Variants in CCDC80 observed in about 807,000 individuals in gnomAD.
CCDC80 encodes the protein coiled-coil domain-containing protein 80.
In CCDC80, 49 loss-of-function variants were observed where a neutral mutation model predicts 78.7. The ratio of observed to expected loss-of-function variants is 0.62; its 90% CI spans 0.50 to 0.79. The LOEUF (loss-of-function observed/expected upper bound fraction) is 0.79, where lower values mean the gene tolerates loss of function less well. Ranked by LOEUF, CCDC80 falls within the 30% of genes least tolerant of loss-of-function variation. The pLI, the probability that CCDC80 is intolerant of heterozygous loss-of-function variation, is 0.00. For missense variants in CCDC80, 1,205 were observed against 1,198.6 expected, an observed-to-expected ratio of 1.01 and a Z score of -0.08; for synonymous variants, 488 against 447.0, an observed-to-expected ratio of 1.09 and a Z score of -1.16.
intron 3 of CCDC80, among the ~76,000 whole-genome samples, chr3:112,626,695 C>T (rs966020952): frequency 1.3e-5 from 2 of 152,034 alleles, no homozygotes; most frequent in Admixed American, 6.6e-5. Context: ...TTACAGGCAT[C>T]TGCCACCATG....
chr3:112,639,707 C>A lies in CCDC80; in HGVS notation c.199G>T (p.Glu67Ter). The A allele has an allele frequency of 6.2e-7, 1 of 1,614,172 alleles. No homozygotes were observed. Among genetic ancestry groups the A allele is most frequent in the South Asian group, 1.1e-5 (1 of 91,076 alleles). Residue 67 changes from glutamate to a stop codon, truncating the protein, a stop_gained, in exon 2 of 8, where the codon GAG (glutamate) becomes TAG (stop). Transcript: ENST00000206423. LOFTEE classifies it high-confidence loss of function. Reference sequence around the variant, plus strand: ...TGGAGAGGCTGAAGGTTTGGTTCCTCCAGAGTGGATCTCTCAATTCCGCGA... The same window carrying A: ...TGGAGAGGCTGAAGGTTTGGTTCCTACAGAGTGGATCTCTCAATTCCGCGA... ...RSRGIERSTL[E>*]EPNLQPLQRR...
In CCDC80 at chr3:112,639,057, G is replaced by A. The variant is rs771985608; in HGVS notation, c.849C>T (p.Ala283=). The A allele has an allele frequency of 6.2e-6, 10 of 1,612,434 alleles. No individual in the cohort carries two copies. In the South Asian group the frequency reaches 6.6e-5, roughly 11 times the overall value. ...CCACCACCTGGCCCTCTACACCAGA[G>A]GCCTTACATTTCTGGACAAAGCCCT... ...RQKGFVQKCK[A]SGVEGQVVAE... Residue 283 remains alanine (A), a synonymous_variant, in exon 2 of 8, where the codon GCC becomes GCT. Transcript: ENST00000206423.
chr3:112,617,221 G>A (rs758101184), intron 4 of CCDC80, among the ~76,000 whole-genome samples: 9 of 152,152 alleles, frequency 5.9e-5, no homozygotes, highest in Non-Finnish European at 1.0e-4. Context: ...ACCTAACACA[G>A]GAAACTAAAT....
At position 112,638,734 on chromosome 3, in the gene CCDC80, G is replaced by A. The variant is rs1408368011; in HGVS notation, c.1172C>T (p.Ser391Leu). 1.9e-6 allele frequency: 3 copies of A among 1,613,994 alleles called. No individual in the cohort carries two copies. The highest frequency in any genetic ancestry group is 2.2e-5 in the East Asian group (1 of 44,862). The change falls in exon 2 of 8, where the codon TCA becomes TTA. Residue 391 changes from serine to leucine, a missense_variant. Coordinates refer to ENST00000206423, the MANE Select transcript of CCDC80 (RefSeq NM_199511.3). ...FPTTQRPWTPSPSHRPPTTTE... is the reference protein window; with the variant it reads ...FPTTQRPWTPLPSHRPPTTTE... ...GGTTGTAGGGGGCCTGTGGGAGGGT[G>A]AGGGGGTCCAGGGCCTCTGCGTGGT...
rs974797902 is a variant in CCDC80 at position 112,598,308 on chromosome 3, C to CT, written c.*7108dup. 13 of 152,240 alleles carry CT rather than the reference C, an allele frequency of 8.5e-5. No individual in the cohort carries two copies. Among genetic ancestry groups the CT allele is most frequent in the Non-Finnish European group, 1.5e-5 (1 of 68,056 alleles). The allele number at this position is 152,240 out of a possible 1,614,324, so 9.4% of individuals were successfully genotyped here. On this transcript the variant is annotated 3_prime_UTR_variant, in exon 8 of 8. Transcript: ENST00000206423. Reference sequence around the variant, plus strand: ...GTTTCCCAAGGTGTTCCCTACCTCTCTTTTTCTTGGATATCTTTTTGCATT... The same window carrying CT: ...GTTTCCCAAGGTGTTCCCTACCTCTCTTTTTTCTTGGATATCTTTTTGCATT...
chr3:112,618,521 C>T (rs1223454714), intron 4 of CCDC80, among the ~76,000 whole-genome samples: 1 of 150,494 alleles, frequency 6.6e-6, no homozygotes, highest in African/African-American at 2.5e-5. Flanking sequence ...GGTGAGACTC[C>T]GTCTCAAAAT....
intron 2 of CCDC80, among the ~76,000 whole-genome samples, chr3:112,635,409 A>G (rs1405802310): frequency 1.3e-5 from 2 of 152,232 alleles, no homozygotes; most frequent in African/African-American, 4.8e-5. Flanking sequence ...ACTAAGCCTT[A>G]ATGAATAGTA....
chr3:112,639,397 A>C lies in CCDC80; in HGVS notation c.509T>G (p.Leu170Arg). The C allele has an allele frequency of 6.2e-7, 1 of 1,614,162 alleles. No individual in the cohort carries two copies. Among genetic ancestry groups the C allele is most frequent in the Non-Finnish European group, 8.5e-7 (1 of 1,180,036 alleles). Residue 170 changes from leucine (L) to arginine (R), a missense_variant, in exon 2 of 8, where the codon CTG becomes CGG. By Grantham distance (102) the Leu-to-Arg change is moderately radical. Transcript: ENST00000206423. ...SEGYYRLMMS[L>R]LKDDVYCELA... ...CTCACAGTACACATCGTCCTTCAGCAGGCTCATCATGAGGCGGTAGTAGCC... is the reference window on the plus strand; with the variant it reads ...CTCACAGTACACATCGTCCTTCAGCCGGCTCATCATGAGGCGGTAGTAGCC...
At chr3:112,630,412 T>A in intron 2 of CCDC80, 143 bp from the exon 3 acceptor site, 1 of 814,946 alleles carries the variant, frequency 1.2e-6, no homozygotes, top group Non-Finnish European at 1.9e-6. Flanking sequence ...TTAGCATAAT[T>A]AGGACCAAAA....
chr3:112,614,908 C>T (rs535422846), intron 5 of CCDC80, among the ~76,000 whole-genome samples: 13 of 152,304 alleles, frequency 8.5e-5, no homozygotes, highest in African/African-American at 3.1e-4. Flanking sequence ...TCTCCTGCAA[C>T]ATGACAATAG....
chr3:112,621,189 A>G (rs1267776370), intron 3 of CCDC80, among the ~76,000 whole-genome samples: 2 of 152,180 alleles, frequency 1.3e-5, no homozygotes, highest in African/African-American at 4.8e-5. Context: ...GAGCGCATCT[A>G]TATCACTTGC....
Position 112,639,339 on chromosome 3 carries a change from G to A in CCDC80, c.567C>T (p.Leu189=). ...LAERHIQQIV[L]FHQAGEEGGK... ...CTCCTTCCTCACCTGCCTGGTGGAA[G>A]AGCACAATCTGTTGGATGTGCCTCT... Residue 189 remains leucine (L), a synonymous_variant, in exon 2 of 8, where the codon CTC becomes CTT. Coordinates refer to ENST00000206423, the MANE Select transcript of CCDC80 (RefSeq NM_199511.3). 2 of 1,614,174 alleles carry A rather than the reference G, an allele frequency of 1.2e-6. No homozygotes were observed. The highest frequency in any genetic ancestry group is 1.1e-5 in the South Asian group (1 of 91,070).
intron 5 of CCDC80, among the ~76,000 whole-genome samples, chr3:112,614,523 C>A (rs570819264): frequency 6.6e-6 from 1 of 151,864 alleles, no homozygotes; most frequent in East Asian, 1.9e-4. Context: ...CGAGACCAGA[C>A]AAAGAGCCAT....
intron 4 of CCDC80, among the ~76,000 whole-genome samples, chr3:112,618,568 T>A (rs981768886): frequency 3.3e-5 from 5 of 152,036 alleles, no homozygotes; most frequent in Non-Finnish European, 7.4e-5. Context: ...TTGTCCACAT[T>A]GGATCAGGAG....
At chr3:112,614,633 G>A (rs1323485298) in intron 5 of CCDC80, among the ~76,000 whole-genome samples, 4 of 152,024 alleles carry the variant, frequency 2.6e-5, no homozygotes, top group Admixed American at 1.3e-4. Flanking sequence ...TTTCCATTAC[G>A]GATACTTGTA....
chr3:112,630,343 G>C, intron 2 of CCDC80, 74 bp from the exon 3 acceptor site: 1 of 1,417,996 alleles, frequency 7.1e-7, no homozygotes, highest in Non-Finnish European at 9.9e-7. Flanking sequence ...CCAAAGAGAT[G>C]ATTTGGAAGA....
At chr3:112,605,841 T>A in intron 7 of CCDC80, 78 bp from the exon 8 acceptor site, 1 of 1,220,556 alleles carries the variant, frequency 8.2e-7, no homozygotes, top group Non-Finnish European at 1.2e-6. Flanking sequence ...GTGAGGAAAT[T>A]ACTGTGAGAA....
At chr3:112,612,965 C>T (rs1353141878) in intron 5 of CCDC80, among the ~76,000 whole-genome samples, 1 of 148,878 alleles carries the variant, frequency 6.7e-6, no homozygotes, top group African/African-American at 2.5e-5. Flanking sequence ...GCAAAGTTCT[C>T]TATAGGACCA....
chr3:112,606,235 T>C (rs959861090), intron 7 of CCDC80, among the ~76,000 whole-genome samples: 7 of 152,248 alleles, frequency 4.6e-5, no homozygotes, highest in Non-Finnish European at 8.8e-5. Flanking sequence ...ATTTAAACTA[T>C]TGTGAATAGT....
Sources: allele counts gnomAD v4.1 joint callset (sites outside exome capture counted in the v4.1 genomes callset), GRCh38; gene constraint gnomAD v4.1.1; transcripts MANE v1.5; gene names NCBI Gene and HGNC (gene_info 2026-07-23, HGNC 2026-07-21).